Variants in SLC26A8 observed in about 807,000 individuals in gnomAD.
SLC26A8 encodes testis anion transporter 1.
A neutral mutation model predicts 105.0 loss-of-function variants in SLC26A8; 70 were observed. The observed-to-expected ratio is 0.67, with a 90% CI of 0.55 to 0.81. SLC26A8 has a LOEUF of 0.81. Ranked by LOEUF, SLC26A8 falls within the 40% of genes least tolerant of loss-of-function variation. The pLI is 0.00. For synonymous variants in SLC26A8, 415 were observed against 438.3 expected, an observed-to-expected ratio of 0.95 and a Z score of 0.66; for missense variants, 998 against 1,181.8, an observed-to-expected ratio of 0.84 and a Z score of 2.28.
chr6:35,944,092 C>T lies in SLC26A8; in HGVS notation c.2721G>A (p.Glu907=). The change falls in exon 20 of 20, where the codon GAG becomes GAA. Residue 907 remains glutamate, a synonymous_variant. Coordinates refer to ENST00000490799, the MANE Select transcript of SLC26A8 (RefSeq NM_052961.4). ...ATTTGGGGTTGGGCTCCATCTCAGG[C>T]TCAGTCTCAGGCTGGGGCTCCATCT... The part of the protein sequence containing the change: ...QTEMEPQPET[E]PEMEPNPKSR... 1 of 1,614,066 alleles carries T rather than the reference C, an allele frequency of 6.2e-7. No individual in the cohort carries two copies.
In SLC26A8 at chr6:35,943,979, G is replaced by A; in HGVS notation, c.2834C>T (p.Thr945Ile). 3 of 1,614,178 alleles carry A rather than the reference G, an allele frequency of 1.9e-6. No individual in the cohort carries two copies. Among genetic ancestry groups the A allele is most frequent in the African/African-American group, 1.3e-5 (1 of 75,024 alleles). The part of the protein sequence containing the change: ...SMASTQSQTQ[T>I]RTWSVERRRH... Reference sequence around the variant, plus strand: ...TCTCCTCTCCACTGACCATGTCCGAGTCTGAGTCTGAGACTGGGTGGAAGC... The same window carrying A: ...TCTCCTCTCCACTGACCATGTCCGAATCTGAGTCTGAGACTGGGTGGAAGC... The change falls in exon 20 of 20, where the codon ACT becomes ATT. Residue 945 changes from threonine (T) to isoleucine (I), a missense_variant. By Grantham distance (89) the Thr-to-Ile change is moderately conservative. Transcript: ENST00000490799.
chr6:35,977,439 A>T (rs878938789), intron 8 of SLC26A8, 88 bp from the exon 9 acceptor site: 163 of 1,033,618 alleles, frequency 1.6e-4, no homozygotes, highest in Non-Finnish European at 2.0e-4. Flanking sequence ...GGCTGTCCTG[A>T]TTCTTTTTTT....
chr6:35,986,607 T>C (rs1773535364), intron 7 of SLC26A8, among the ~76,000 whole-genome samples: 1 of 152,204 alleles, frequency 6.6e-6, no homozygotes, highest in Non-Finnish European at 1.5e-5. Context: ...AGTACTTTTC[T>C]TTCTGTGCCT....
rs769374548 is a variant in SLC26A8, at chr6:35,955,384, G to A, written c.2000C>T (p.Ser667Phe). The A allele has an allele frequency of 1.1e-4, 170 of 1,614,074 alleles. No individual in the cohort carries two copies. The highest frequency in any genetic ancestry group is 1.4e-4 in the Non-Finnish European group (167 of 1,180,046). The change falls in exon 17 of 20, where the codon TCC becomes TTC. Residue 667 changes from serine (S) to phenylalanine (F), a missense_variant. Coordinates refer to ENST00000490799, the MANE Select transcript of SLC26A8 (RefSeq NM_052961.4). ...TTGCCCTTGATTTTTCTGAGACACGGACGATACTGTGTATGGCACTTGGTC... is the reference window on the plus strand; with the variant it reads ...TTGCCCTTGATTTTTCTGAGACACGAACGATACTGTGTATGGCACTTGGTC... ...SEDQVPYTVS[S>F]VSQKNQGQQY...
At chr6:35,986,281 G>T (rs147356865) in intron 7 of SLC26A8, among the ~76,000 whole-genome samples, 1 of 151,938 alleles carries the variant, frequency 6.6e-6, no homozygotes. Context: ...TGATCCACGC[G>T]CCTCGGCCTC....
Position 36,023,162 on chromosome 6 carries a change from TATCC to T in SLC26A8, c.-3+1338_-3+1341del, listed in dbSNP as rs68186703. ...GCTCTTTCACCCTCCATAGTACCCT[TATCC>T]ATCCATCCATCCATCCATCCATCCA... On this transcript the variant is annotated intron_variant, in intron 1 of 19. Coordinates refer to ENST00000490799, the MANE Select transcript of SLC26A8 (RefSeq NM_052961.4). 1.9e-3 allele frequency among the ~76,000 whole-genome samples: 271 copies of T among 143,086 alleles called. 3 individuals are homozygous for T. Among genetic ancestry groups the T allele is most frequent in the South Asian group, 0.019 (77 of 4,116 alleles). 93.9% of individuals were successfully genotyped at this position (143,086 alleles called of 152,430 possible).
At chr6:35,996,908 A>C (rs1309101807) in intron 5 of SLC26A8, among the ~76,000 whole-genome samples, 1 of 151,802 alleles carries the variant, frequency 6.6e-6, no homozygotes, top group Non-Finnish European at 1.5e-5. Context: ...GGTGGCATGC[A>C]CCTGTAATCC....
chr6:35,971,668 A>G lies in SLC26A8; in HGVS notation c.1288-2714T>C, dbSNP rs371874597. 5.3e-5 allele frequency among the ~76,000 whole-genome samples: 8 copies of G among 152,350 alleles called. No homozygotes were observed. In the East Asian group the frequency reaches 5.8e-4, roughly 11 times the overall value. ...CTCAGAGAGCAAAATTAATTTGCCCAAGGTCACATACATCTAGGAAGCATG... is the reference window on the plus strand; with the variant it reads ...CTCAGAGAGCAAAATTAATTTGCCCGAGGTCACATACATCTAGGAAGCATG... On this transcript the variant is annotated intron_variant, in intron 10 of 19. Coordinates refer to ENST00000490799, the MANE Select transcript of SLC26A8 (RefSeq NM_052961.4).
At chr6:35,967,915 G>A (rs1240599650) in intron 11 of SLC26A8, among the ~76,000 whole-genome samples, 5 of 151,994 alleles carry the variant, frequency 3.3e-5, no homozygotes, top group African/African-American at 9.7e-5. Flanking sequence ...GTGCAATGGC[G>A]TGATCTCAGC....
chr6:35,966,252 C>T (rs1772513854), intron 11 of SLC26A8, among the ~76,000 whole-genome samples: 1 of 152,140 alleles, frequency 6.6e-6, no homozygotes, highest in Non-Finnish European at 1.5e-5. Flanking sequence ...TCTTTCCCAC[C>T]ATACCATCTT....
At chr6:35,999,685 C>G (rs940482803) in intron 4 of SLC26A8, among the ~76,000 whole-genome samples, 3 of 152,266 alleles carry the variant, frequency 2.0e-5, no homozygotes, top group African/African-American at 7.2e-5. Context: ...AGTATTGACA[C>G]AATCATTCCT....
At chr6:35,962,026 G>C (rs934035708) in intron 12 of SLC26A8, among the ~76,000 whole-genome samples, 3 of 152,168 alleles carry the variant, frequency 2.0e-5, no homozygotes, top group African/African-American at 7.2e-5. Flanking sequence ...AGGAGTTTGA[G>C]ACCAGCCTGG....
At chr6:36,007,449 G>A (rs969299518) in intron 3 of SLC26A8, among the ~76,000 whole-genome samples, 2 of 152,094 alleles carry the variant, frequency 1.3e-5, no homozygotes, top group African/African-American at 4.8e-5. Context: ...AGGAAATCAA[G>A]GGACCTAAAT....
chr6:35,992,498 G>A lies in SLC26A8; in HGVS notation c.792+12C>T, dbSNP rs146587777. 4.1e-4 allele frequency: 666 copies of A among 1,606,574 alleles called. 1 individual carries two copies. In the African/African-American group the frequency reaches 7.6e-3, roughly 18 times the overall value. ...GCATTTGTAACTCTGGGTAAGAGTT[G>A]AAATTACTCACATAGAAGAAGGAGA... On this transcript the variant is annotated intron_variant, in intron 6 of 19. Transcript: ENST00000490799.
chr6:35,957,262 C>A (rs1772109017), intron 16 of SLC26A8, among the ~76,000 whole-genome samples: 2 of 150,576 alleles, frequency 1.3e-5, no homozygotes, highest in African/African-American at 2.4e-5. Flanking sequence ...TGGATGAGAA[C>A]TATAAAGCAC....
intron 11 of SLC26A8, among the ~76,000 whole-genome samples, chr6:35,964,327 A>G (rs1438167025): frequency 1.3e-5 from 2 of 152,192 alleles, no homozygotes; most frequent in African/African-American, 4.8e-5. Context: ...TTTCACACAA[A>G]AACTTTGTTT....
At chr6:35,961,246 C>T in intron 12 of SLC26A8, 147 bp from the exon 13 acceptor site, 1 of 654,702 alleles carries the variant, frequency 1.5e-6, no homozygotes, top group Non-Finnish European at 2.6e-6. Context: ...TGGACTGGTG[C>T]CATGACAAAC....
intron 13 of SLC26A8, 30 bp downstream of exon 13, chr6:35,960,963 G>T (rs369969495): frequency 1.2e-6 from 2 of 1,613,786 alleles, no homozygotes; most frequent in East Asian, 2.2e-5. Context: ...ACCTTGCCTT[G>T]TTAACCTCCT....
chr6:35,991,646 CA>C lies in SLC26A8; in HGVS notation c.942+12del. 1.3e-6 allele frequency: 2 copies of C among 1,531,934 alleles called. No individual in the cohort carries two copies. The highest frequency in any genetic ancestry group is 2.4e-5 in the East Asian group (1 of 42,292). The allele number at this position is 1,531,934 out of a possible 1,614,324, so 94.9% of individuals were successfully genotyped here. On this transcript the variant is annotated intron_variant, in intron 7 of 19. Transcript: ENST00000490799. ...TATGCAAACTATGAATTTGAGACAT[CA>C]AAAACACCTACCAGAAATAATTCCA...
Sources: gnomAD v4.1 joint callset for allele counts (sites outside exome capture counted in the v4.1 genomes callset) on GRCh38, gnomAD v4.1.1 for gene constraint, MANE v1.5 for transcripts, NCBI Gene and HGNC (gene_info 2026-07-23, HGNC 2026-07-21) for gene names.